Variants in DCLK1 observed in about 807,000 individuals in gnomAD.
DCLK1 encodes serine/threonine-protein kinase DCLK1.
In DCLK1, 16 loss-of-function variants were observed where a neutral mutation model predicts 86.2. That is an observed-to-expected ratio of 0.19 (90% confidence interval 0.13 to 0.28). The LOEUF (loss-of-function observed/expected upper bound fraction) is 0.28, where lower values mean the gene tolerates loss of function less well. DCLK1 is among the 10% of genes least tolerant of loss of function. The pLI, the probability that DCLK1 is intolerant of heterozygous loss-of-function variation, is 1.00. For missense variants in DCLK1, 590 were observed against 940.2 expected, an observed-to-expected ratio of 0.63 and a Z score of 4.87; for synonymous variants, 369 against 370.5, an observed-to-expected ratio of 1.00 and a Z score of 0.05.
rs1477418109 is a variant in DCLK1 at position 35,769,405 on chromosome 13, C to G, written c.*5130G>C. The G allele has an allele frequency of 6.6e-6, 1 of 152,120 alleles. No homozygotes were observed. The highest frequency in any genetic ancestry group is 1.5e-5 in the Non-Finnish European group (1 of 68,018). The allele number at this position is 152,120 out of a possible 1,614,324, so 9.4% of individuals were successfully genotyped here. On this transcript the variant is annotated 3_prime_UTR_variant, in exon 17 of 17. Coordinates refer to ENST00000360631, the MANE Select transcript of DCLK1 (RefSeq NM_001330071.2). ...TGTTGAATTTCACACTCAACTAATC[C>G]TTTAATAATTTTCTTTCAGCCAGAA...
intron 4 of DCLK1, among the ~76,000 whole-genome samples, chr13:35,898,128 C>T (rs1874112083): frequency 6.6e-6 from 1 of 152,124 alleles, no homozygotes; most frequent in Non-Finnish European, 1.5e-5. Flanking sequence ...ATTACTGCTT[C>T]CAAGAGTCTA....
Position 35,806,506 on chromosome 13 carries a change from G to A in DCLK1, c.1864-727C>T, listed in dbSNP as rs141189131. Among the ~76,000 whole-genome samples, 25 of 152,266 alleles carry A rather than the reference G, an allele frequency of 1.6e-4. No homozygotes were observed. The East Asian group carries it at 4.2e-3, about 26-fold the overall frequency. ...TTAACGATGAGTATGCTATACAATT[G>A]TCCACTCTGGATTAGAAGTTCCCAT... On this transcript the variant is annotated intron_variant, in intron 14 of 16. Coordinates refer to ENST00000360631, the MANE Select transcript of DCLK1 (RefSeq NM_001330071.2).
chr13:35,824,385 G>A (rs2153105314), intron 10 of DCLK1, among the ~76,000 whole-genome samples: 1 of 152,148 alleles, frequency 6.6e-6, no homozygotes, highest in Non-Finnish European at 1.5e-5. Flanking sequence ...TCGCTTTGTT[G>A]CCCAGGCTGG....
chr13:35,972,794 C>A (rs867782935), intron 3 of DCLK1, among the ~76,000 whole-genome samples: 18 of 152,118 alleles, frequency 1.2e-4, no homozygotes, highest in African/African-American at 3.9e-4. Context: ...TCCCATAGAC[C>A]ATCATGGCTC....
chr13:35,830,813 A>G (rs1868897500), intron 8 of DCLK1, among the ~76,000 whole-genome samples: 1 of 152,128 alleles, frequency 6.6e-6, no homozygotes, highest in Non-Finnish European at 1.5e-5. Flanking sequence ...CACCTCCACA[A>G]AGGGGATGGA....
At chr13:36,100,179 C>CAAAAAAAAAAAAAAA (rs58824322) in intron 3 of DCLK1, among the ~76,000 whole-genome samples, 3 of 37,686 alleles carry the variant, frequency 8.0e-5, no homozygotes, top group Non-Finnish European at 1.3e-4. Context: ...CCTGTCTCTA[C>CAAAAAAAAAAAAAAA]AAAAAAAAAA....
At chr13:36,028,897 G>A (rs1393828198) in intron 3 of DCLK1, among the ~76,000 whole-genome samples, 4 of 152,190 alleles carry the variant, frequency 2.6e-5, no homozygotes, top group Non-Finnish European at 2.9e-5. Flanking sequence ...CAGGAAGTTA[G>A]CCTGTATGAT....
intron 3 of DCLK1, among the ~76,000 whole-genome samples, chr13:35,960,183 C>T (rs970099788): frequency 3.5e-4 from 54 of 152,170 alleles, no homozygotes; most frequent in Admixed American, 1.0e-3. Flanking sequence ...TTCCCTTTCT[C>T]CCCCCTTAAT....
intron 4 of DCLK1, among the ~76,000 whole-genome samples, chr13:35,895,108 GT>G (rs2153120415): frequency 6.6e-6 from 1 of 152,152 alleles, no homozygotes; most frequent in African/African-American, 2.4e-5. Flanking sequence ...ATCCAGCTAA[GT>G]TTCAAAATTT....
At chr13:35,803,486 G>T (rs1032949607) in intron 15 of DCLK1, among the ~76,000 whole-genome samples, 1 of 152,138 alleles carries the variant, frequency 6.6e-6, no homozygotes, top group Non-Finnish European at 1.5e-5. Context: ...AAACCTCAGT[G>T]CATAGCTCTA....
At chr13:35,896,205 T>C (rs1460307990) in intron 4 of DCLK1, among the ~76,000 whole-genome samples, 6 of 152,108 alleles carry the variant, frequency 3.9e-5, no homozygotes, top group Non-Finnish European at 8.8e-5. Flanking sequence ...AGACTGTATA[T>C]AGAACAACAA....
At chr13:36,048,376 C>A (rs1300712723) in intron 3 of DCLK1, among the ~76,000 whole-genome samples, 1 of 152,074 alleles carries the variant, frequency 6.6e-6, no homozygotes, top group East Asian at 1.9e-4. Flanking sequence ...TATTGACAGG[C>A]ACCTAAAGAC....
At chr13:36,007,793 G>C (rs1881049782) in intron 3 of DCLK1, among the ~76,000 whole-genome samples, 1 of 152,064 alleles carries the variant, frequency 6.6e-6, no homozygotes, top group Non-Finnish European at 1.5e-5. Flanking sequence ...TAACGAAACT[G>C]ATTTGTTCTA....
At chr13:35,959,862 T>C (rs1452601265) in intron 3 of DCLK1, among the ~76,000 whole-genome samples, 4 of 81,814 alleles carry the variant, frequency 4.9e-5, no homozygotes, top group Non-Finnish European at 1.0e-4. Flanking sequence ...GTCGTGTGTG[T>C]GTGTGTGTGT....
intron 3 of DCLK1, among the ~76,000 whole-genome samples, chr13:36,080,558 G>A (rs1234661046): frequency 6.6e-6 from 1 of 152,136 alleles, no homozygotes; most frequent in East Asian, 1.9e-4. Context: ...TCCAGGTAGT[G>A]CTCCATATTG....
At chr13:36,061,871 T>G (rs1252687078) in intron 3 of DCLK1, among the ~76,000 whole-genome samples, 1 of 152,184 alleles carries the variant, frequency 6.6e-6, no homozygotes, top group Non-Finnish European at 1.5e-5. Context: ...CATGGTACAT[T>G]TCAATATCCA....
intron 4 of DCLK1, among the ~76,000 whole-genome samples, chr13:35,891,412 T>C (rs1466307436): frequency 6.6e-6 from 1 of 152,176 alleles, no homozygotes; most frequent in Non-Finnish European, 1.5e-5. Context: ...TAAAACAAAA[T>C]GACTATATTG....
At chr13:35,842,561 C>A (rs1011639365) in intron 6 of DCLK1, among the ~76,000 whole-genome samples, 3 of 152,030 alleles carry the variant, frequency 2.0e-5, no homozygotes, top group Admixed American at 6.6e-5. Context: ...TCTGGGTGTG[C>A]TCTGACTAGC....
At chr13:35,838,178 T>A (rs1318329967) in intron 7 of DCLK1, among the ~76,000 whole-genome samples, 2 of 152,204 alleles carry the variant, frequency 1.3e-5, no homozygotes, top group Non-Finnish European at 2.9e-5. Flanking sequence ...AAATGAGACT[T>A]CTATGTGGCT....
Sources: allele counts gnomAD v4.1 joint callset (sites outside exome capture counted in the v4.1 genomes callset), GRCh38; gene constraint gnomAD v4.1.1; transcripts MANE v1.5; gene names NCBI Gene and HGNC (gene_info 2026-07-23, HGNC 2026-07-21).